The following LPP variants were observed in gnomAD, a reference collection of about 807,000 sequenced individuals.
The protein encoded by LPP is lipoma-preferred partner.
LPP carries 38 observed loss-of-function variants against 60.4 expected under a neutral mutation model. The ratio of observed to expected loss-of-function variants is 0.63; its 90% CI spans 0.49 to 0.83. The LOEUF (loss-of-function observed/expected upper bound fraction) is 0.83. Ranked by LOEUF, LPP falls within the 40% of genes least tolerant of loss-of-function variation. The pLI, the probability that LPP is intolerant of heterozygous loss-of-function variation, is 0.00. For synonymous variants in LPP, 328 were observed against 290.8 expected (o/e 1.13, Z -1.30); for missense variants, 902 against 783.6 (o/e 1.15, Z -1.80).
chr3:188,513,861 T>C (rs1412850404), intron 5 of LPP, among the ~76,000 whole-genome samples: 1 of 152,168 alleles, frequency 6.6e-6, no homozygotes, highest in Non-Finnish European at 1.5e-5. Flanking sequence ...GGCCTAACTC[T>C]TACGGGTTTA....
chr3:188,261,368 A>G (rs1303001703), intron 2 of LPP, among the ~76,000 whole-genome samples: 1 of 152,154 alleles, frequency 6.6e-6, no homozygotes, highest in Admixed American at 6.6e-5. Flanking sequence ...AGACACACAC[A>G]CACACATACA....
chr3:188,482,012 A>T (rs907128649), intron 4 of LPP, among the ~76,000 whole-genome samples: 1 of 152,194 alleles, frequency 6.6e-6, no homozygotes, highest in African/African-American at 2.4e-5. Context: ...GGATTGGATC[A>T]TGGGGGTGGT....
chr3:188,206,207 A>ATCTGT (rs1183069872), intron 1 of LPP, among the ~76,000 whole-genome samples: 1 of 152,070 alleles, frequency 6.6e-6, no homozygotes. Flanking sequence ...GAAAGGTTTA[A>ATCTGT]TCTGTCCAGA....
At chr3:188,344,770 C>T (rs1039311530) in intron 3 of LPP, among the ~76,000 whole-genome samples, 8 of 152,138 alleles carry the variant, frequency 5.3e-5, no homozygotes, top group African/African-American at 1.2e-4. Context: ...ATTTATACAC[C>T]GGTAGCGGTA....
chr3:188,235,610 T>C (rs1013871994), intron 2 of LPP, among the ~76,000 whole-genome samples: 11 of 152,206 alleles, frequency 7.2e-5, no homozygotes, highest in African/African-American at 2.4e-4. Context: ...TTGGCACATG[T>C]AAGTGCTGAC....
intron 6 of LPP, among the ~76,000 whole-genome samples, chr3:188,569,986 T>A (rs536594705): frequency 6.6e-6 from 1 of 151,050 alleles, no homozygotes; most frequent in Admixed American, 6.6e-5. Context: ...ACTTTAGTGG[T>A]AGTCAGTTTG....
chr3:188,688,369 T>C (rs1472959448), intron 7 of LPP, among the ~76,000 whole-genome samples: 2 of 152,244 alleles, frequency 1.3e-5, no homozygotes, highest in Non-Finnish European at 2.9e-5. Flanking sequence ...ATGCCTTCAG[T>C]TGGATAAATC....
intron 9 of LPP, among the ~76,000 whole-genome samples, chr3:188,785,474 CAT>C (rs1363213767): frequency 4.6e-5 from 2 of 43,306 alleles, no homozygotes; most frequent in Non-Finnish European, 7.8e-5. Context: ...TATATTCCAT[CAT>C]ATATATATAT....
chr3:188,439,087 T>C (rs1793107343), intron 4 of LPP, among the ~76,000 whole-genome samples: 1 of 152,180 alleles, frequency 6.6e-6, no homozygotes, highest in Admixed American at 6.5e-5. Context: ...AGTTTCAAAA[T>C]GTATTAGTTT....
At chr3:188,154,721 A>C (rs904756456) in intron 1 of LPP, among the ~76,000 whole-genome samples, 1 of 152,202 alleles carries the variant, frequency 6.6e-6, no homozygotes, top group African/African-American at 2.4e-5. Context: ...CTCCGGACTT[A>C]AGTTCCCTTT....
intron 2 of LPP, among the ~76,000 whole-genome samples, chr3:188,226,075 C>A (rs994296458): frequency 1.3e-5 from 2 of 152,136 alleles, no homozygotes; most frequent in Non-Finnish European, 2.9e-5. Context: ...GTGGTGCCAT[C>A]TTGGCTCACT....
Position 188,789,001 on chromosome 3 carries a change from G to C in LPP, c.1410+28719G>C, listed in dbSNP as rs150330059. Among the ~76,000 whole-genome samples the C allele has an allele frequency of 9.3e-4, 142 of 152,074 alleles. 2 individuals carry two copies. The East Asian group carries it at 0.012, about 13-fold the overall frequency. ...TCTTGTGCCTGCTGACTCCATCCCT[G>C]TAGACCTTGCTGTTCCTCCCAGTCT... On this transcript the variant is annotated intron_variant, in intron 9 of 11. Transcript: ENST00000617246.
intron 2 of LPP, among the ~76,000 whole-genome samples, chr3:188,338,041 G>C (rs552545454): frequency 1.3e-5 from 2 of 152,262 alleles, no homozygotes; most frequent in South Asian, 4.2e-4. Context: ...ATAACATTAA[G>C]AAGTTGAGCA....
chr3:188,224,030 C>T (rs745355451), intron 1 of LPP, among the ~76,000 whole-genome samples: 5 of 152,204 alleles, frequency 3.3e-5, no homozygotes, highest in Middle Eastern at 3.4e-3. Context: ...ACTGGGAGAG[C>T]GTTGAAATAG....
chr3:188,798,283 G>T (rs1449652012), intron 9 of LPP, among the ~76,000 whole-genome samples: 1 of 152,058 alleles, frequency 6.6e-6, no homozygotes, highest in Non-Finnish European at 1.5e-5. Context: ...CAGATATAAG[G>T]GGATCTCAGA....
At chr3:188,383,786 C>T (rs1334320127) in intron 3 of LPP, among the ~76,000 whole-genome samples, 4 of 152,050 alleles carry the variant, frequency 2.6e-5, no homozygotes, top group Non-Finnish European at 5.9e-5. Context: ...GCTACATATT[C>T]CAAATTACTT....
chr3:188,282,734 A>G (rs1306201969), intron 2 of LPP, among the ~76,000 whole-genome samples: 1 of 152,078 alleles, frequency 6.6e-6, no homozygotes, highest in East Asian at 1.9e-4. Flanking sequence ...AGCATCCTTC[A>G]TGCTTAGCTC....
Position 188,609,169 on chromosome 3 carries a change from T to G in LPP, c.438T>G (p.Thr146=). 3.7e-6 allele frequency: 6 copies of G among 1,602,462 alleles called. No individual in the cohort carries two copies. The highest frequency in any genetic ancestry group is 5.1e-6 in the Non-Finnish European group (6 of 1,172,896). The stretch of plus-strand genomic sequence containing the variant: ...TTTCCTATTCTTTTTAGAGCTCCAC[T>G]GGTTCAACAGCCTCTCCTCCAGTTT... ...PYKPRPPQSS[T]GSTASPPVST... is the part of the protein sequence containing the mutation. Residue 146 remains threonine (T), a synonymous_variant, in exon 7 of 12, where the codon ACT becomes ACG. Transcript: ENST00000617246. The surrounding 1 kb of genome is among the most constrained non-coding windows in gnomAD (Gnocchi z 6.9).
chr3:188,241,585 A>G (rs909580159), intron 2 of LPP, among the ~76,000 whole-genome samples: 1 of 152,152 alleles, frequency 6.6e-6, no homozygotes, highest in African/African-American at 2.4e-5. Flanking sequence ...AGACCGTGTT[A>G]TAATATACTT....
Sources: allele counts gnomAD v4.1 joint callset (sites outside exome capture counted in the v4.1 genomes callset), GRCh38; gene constraint gnomAD v4.1.1; non-coding constraint Gnocchi (gnomAD v3.1); transcripts MANE v1.5; gene names NCBI Gene and HGNC (gene_info 2026-07-23, HGNC 2026-07-21).